Variants in FGF1 observed in about 807,000 individuals in gnomAD.
FGF1 encodes beta-endothelial cell growth factor.
FGF1 carries 9 observed loss-of-function variants against 13.4 expected under a neutral mutation model. The ratio of observed to expected loss-of-function variants is 0.67; its 90% CI spans 0.40 to 1.17. The LOEUF (loss-of-function observed/expected upper bound fraction) is 1.17, where lower values mean the gene tolerates loss of function less well. Ranked by LOEUF, FGF1 falls within the 50% of genes most tolerant of loss-of-function variation. The pLI is 0.01. For missense variants in FGF1, 156 were observed against 192.7 expected (o/e 0.81, Z 1.13); for synonymous variants, 93 against 79.0 (o/e 1.18, Z -0.94).
chr5:142,601,219 G>A (rs1291882018), intron 2 of FGF1: 5 of 455,214 alleles, frequency 1.1e-5, no homozygotes, highest in Non-Finnish European at 2.2e-5. Context: ...TGGCCAGCCT[G>A]CATGTGTTCT....
intron 2 of FGF1, among the ~76,000 whole-genome samples, chr5:142,692,036 A>G (rs1752306987): frequency 6.6e-6 from 1 of 152,318 alleles, no homozygotes; most frequent in Non-Finnish European, 1.5e-5. Context: ...GATGATTAAA[A>G]ACCTAAAGTT....
chr5:142,604,812 TTCC>T (rs1292538057), intron 2 of FGF1, among the ~76,000 whole-genome samples: 1 of 152,216 alleles, frequency 6.6e-6, no homozygotes, highest in Non-Finnish European at 1.5e-5. Flanking sequence ...ATCCTACTTT[TTCC>T]TGTCTTTCAC....
rs562731566 is a variant in FGF1 at position 142,675,453 on chromosome 5, G to C, written c.-35+10504C>G. Reference sequence around the variant, plus strand: ...CCAAGTGATGTGCTCATGGTCACCTGGTGCAAGGGAATATTCTCAGACCTC... The same window carrying C: ...CCAAGTGATGTGCTCATGGTCACCTCGTGCAAGGGAATATTCTCAGACCTC... On this transcript the variant is annotated intron_variant, in intron 1 of 3. Transcript: ENST00000337706. 3.3e-5 allele frequency among the ~76,000 whole-genome samples: 5 copies of C among 152,268 alleles called. No homozygotes were observed. The South Asian group carries it at 1.0e-3, about 32-fold the overall frequency.
At chr5:142,695,597 AAAAGAAAGAAAAAG>A (rs1561781792) in intron 2 of FGF1, among the ~76,000 whole-genome samples, 11 of 151,708 alleles carry the variant, frequency 7.3e-5, no homozygotes, top group African/African-American at 2.4e-4. Flanking sequence ...GAAAAAAAAA[AAAAGAAAGAAAAAG>A]AAAAAAGAAT....
At chr5:142,651,787 C>A (rs73279666) in intron 1 of FGF1, among the ~76,000 whole-genome samples, 5,619 of 151,454 alleles carry the variant, frequency 0.037, 152 homozygotes, top group Middle Eastern at 0.14. Flanking sequence ...TAGTAATATG[C>A]CTTTAAAATT....
intron 1 of FGF1, among the ~76,000 whole-genome samples, chr5:142,628,517 T>A (rs1328169295): frequency 3.3e-5 from 5 of 152,190 alleles, no homozygotes; most frequent in Non-Finnish European, 7.4e-5. Flanking sequence ...CTCAAAATCA[T>A]GAGGCTAGAG....
chr5:142,664,216 C>T (rs1769848048), intron 1 of FGF1, among the ~76,000 whole-genome samples: 1 of 152,200 alleles, frequency 6.6e-6, no homozygotes, highest in Admixed American at 6.5e-5. Flanking sequence ...GTTTGCCAAG[C>T]TGGCTGCCCA....
chr5:142,640,082 T>G (rs568733109), intron 1 of FGF1, among the ~76,000 whole-genome samples: 13 of 152,054 alleles, frequency 8.5e-5, no homozygotes, highest in Admixed American at 8.5e-4. Context: ...CACTTTGGAA[T>G]GAATCATATG....
intron 1 of FGF1, among the ~76,000 whole-genome samples, chr5:142,633,511 C>T (rs1158135551): frequency 6.6e-6 from 1 of 152,178 alleles, no homozygotes; most frequent in African/African-American, 2.4e-5. Context: ...AGGCTTGCTT[C>T]CTTTGCCTAA....
chr5:142,670,113 G>C (rs146640345), intron 1 of FGF1, among the ~76,000 whole-genome samples: 2 of 152,202 alleles, frequency 1.3e-5, no homozygotes, highest in East Asian at 1.9e-4. Context: ...CTGAGGTCAT[G>C]CTTCTCAAGA....
At chr5:142,615,659 A>G (rs938555804) in intron 1 of FGF1, among the ~76,000 whole-genome samples, 23 of 152,258 alleles carry the variant, frequency 1.5e-4, no homozygotes, top group African/African-American at 5.3e-4. Context: ...TAATCTCACC[A>G]TAATCCCTTG....
intron 2 of FGF1, among the ~76,000 whole-genome samples, chr5:142,691,193 G>T (rs1242094609): frequency 2.0e-5 from 3 of 152,100 alleles, no homozygotes; most frequent in Non-Finnish European, 4.4e-5. Context: ...GGCCGACGCG[G>T]GTGGATCACC....
intron 1 of FGF1, among the ~76,000 whole-genome samples, chr5:142,639,375 A>G (rs1764792263): frequency 6.6e-6 from 1 of 152,062 alleles, no homozygotes; most frequent in Non-Finnish European, 1.5e-5. Flanking sequence ...AGACAATGGA[A>G]TACTATTAAT....
intron 1 of FGF1, among the ~76,000 whole-genome samples, chr5:142,614,908 G>A (rs250108): frequency 0.25 from 37,738 of 152,016 alleles, 4,977 homozygotes; most frequent in East Asian, 0.35. Context: ...GTGGCACAGA[G>A]AAGGTGGGTC....
At position 142,605,999 on chromosome 5, in the gene FGF1, T is replaced by C. The variant is rs1206974189; in HGVS notation, c.170-5194A>G. Among the ~76,000 whole-genome samples, 13 of 151,646 alleles carry C rather than the reference T, an allele frequency of 8.6e-5. No individual in the cohort carries two copies. The East Asian group carries it at 1.2e-3, about 14-fold the overall frequency. ...TTTTTCCTCGGGTAGCAGCTCAGGG[T>C]TGGGGGACAGAAAACCATTCAGTCA... On this transcript the variant is annotated intron_variant, in intron 2 of 3. Transcript: ENST00000337706.
intron 2 of FGF1, chr5:142,601,058 C>G (rs1756444528): frequency 3.3e-6 from 2 of 602,066 alleles, no homozygotes; most frequent in Non-Finnish European, 6.3e-6. Flanking sequence ...CCTGTCCACC[C>G]TGTTGGTTAC....
intron 1 of FGF1, among the ~76,000 whole-genome samples, chr5:142,629,893 A>AT (rs1229121020): frequency 0.015 from 1,748 of 119,998 alleles, 11 homozygotes; most frequent in African/African-American, 0.017. Context: ...ATATATATAT[A>AT]TATTTTTTTT....
intron 2 of FGF1, among the ~76,000 whole-genome samples, chr5:142,609,041 G>C (rs1427662162): frequency 1.3e-5 from 2 of 151,974 alleles, no homozygotes; most frequent in Non-Finnish European, 2.9e-5. Flanking sequence ...TATGTTGGTG[G>C]GGAATAAAGT....
At chr5:142,617,899 T>C (rs903404722) in intron 1 of FGF1, among the ~76,000 whole-genome samples, 3 of 152,192 alleles carry the variant, frequency 2.0e-5, no homozygotes, top group African/African-American at 7.2e-5. Flanking sequence ...AAAGGAAGTA[T>C]ATGGCGTGAT....
Sources: gnomAD v4.1 joint callset for allele counts (sites outside exome capture counted in the v4.1 genomes callset) on GRCh38, gnomAD v4.1.1 for gene constraint, MANE v1.5 for transcripts, NCBI Gene and HGNC (gene_info 2026-07-23, HGNC 2026-07-21) for gene names.